NAALADL2: variants seen among roughly 807,000 people sequenced by gnomAD.
The protein encoded by NAALADL2 is N-acetylated alpha-linked acidic dipeptidase like 2.
NAALADL2 carries 76 observed loss-of-function variants against 87.2 expected under a neutral mutation model. The ratio of observed to expected loss-of-function variants is 0.87; its 90% confidence interval spans 0.72 to 1.05. The LOEUF (loss-of-function observed/expected upper bound fraction) is 1.05, where lower values mean the gene tolerates loss of function less well. Ranked by LOEUF, NAALADL2 falls within the 50% of genes least tolerant of loss-of-function variation. The pLI, the probability that NAALADL2 is intolerant of heterozygous loss-of-function variation, is 0.00. For synonymous variants in NAALADL2, 354 were observed against 331.0 expected (o/e 1.07, Z -0.75); for missense variants, 1,089 against 945.8 (o/e 1.15, Z -1.99).
chr3:175,282,833 T>A (rs1435762176), intron 4 of NAALADL2, among the ~76,000 whole-genome samples: 1 of 152,004 alleles, frequency 6.6e-6, no homozygotes, highest in Non-Finnish European at 1.5e-5. Context: ...AACTTTTAAT[T>A]TTTATTTTAT....
At chr3:175,028,558 A>G (rs1752461335) in intron 1 of NAALADL2, among the ~76,000 whole-genome samples, 1 of 152,088 alleles carries the variant, frequency 6.6e-6, no homozygotes, top group Admixed American at 6.6e-5. Context: ...AGTGAATATT[A>G]TTTAAGACTT....
At chr3:174,658,502 A>C (rs917331994) in intron 2 of NAALADL2, among the ~76,000 whole-genome samples, 1 of 151,792 alleles carries the variant, frequency 6.6e-6, no homozygotes, top group African/African-American at 2.4e-5. Context: ...TTTTTTGTAT[A>C]TTTTGTGTAA....
chr3:174,853,395 A>C (rs1041614665), intron 3 of NAALADL2, among the ~76,000 whole-genome samples: 1 of 150,318 alleles, frequency 6.7e-6, no homozygotes, highest in Admixed American at 6.6e-5. Context: ...AAAAAAAAAA[A>C]ATAGATTTAC....
intron 11 of NAALADL2, among the ~76,000 whole-genome samples, chr3:175,667,219 G>GA (rs1287931298): frequency 8.0e-6 from 1 of 124,940 alleles, no homozygotes; most frequent in Non-Finnish European, 1.6e-5. Context: ...AAGAAAGAAA[G>GA]AAAGAAAGAA....
At chr3:175,702,673 A>G (rs1453625463) in intron 11 of NAALADL2, among the ~76,000 whole-genome samples, 2 of 152,184 alleles carry the variant, frequency 1.3e-5, no homozygotes, top group Admixed American at 1.3e-4. Context: ...AAATGTCCCT[A>G]ACTTTAGAAT....
At chr3:175,695,337 C>T (rs1737620407) in intron 11 of NAALADL2, among the ~76,000 whole-genome samples, 1 of 152,074 alleles carries the variant, frequency 6.6e-6, no homozygotes, top group South Asian at 2.1e-4. Context: ...TTTAAAAGGA[C>T]ACTTGTTGGA....
chr3:175,646,504 C>T (rs1319584073), intron 11 of NAALADL2, among the ~76,000 whole-genome samples: 2 of 151,866 alleles, frequency 1.3e-5, no homozygotes, highest in East Asian at 3.9e-4. Context: ...TCATTTTTTT[C>T]TTTTTTATGA....
intron 2 of NAALADL2, among the ~76,000 whole-genome samples, chr3:174,653,018 C>T (rs1724532907): frequency 6.6e-6 from 1 of 152,124 alleles, no homozygotes; most frequent in Admixed American, 6.5e-5. Context: ...TGCCACACTA[C>T]ACACTAACTG....
At chr3:175,168,468 G>T (rs1295724191) in intron 2 of NAALADL2, among the ~76,000 whole-genome samples, 1 of 151,712 alleles carries the variant, frequency 6.6e-6, no homozygotes, top group Non-Finnish European at 1.5e-5. Context: ...GGACACTAAG[G>T]TATAATATAG....
chr3:175,250,586 G>A (rs942487816), intron 3 of NAALADL2, among the ~76,000 whole-genome samples: 5 of 152,116 alleles, frequency 3.3e-5, no homozygotes, highest in Non-Finnish European at 7.4e-5. Flanking sequence ...CCTCAACAGT[G>A]TCTTTCTCTA....
chr3:174,479,760 C>T (rs935048100), intron 1 of NAALADL2, among the ~76,000 whole-genome samples: 2 of 138,604 alleles, frequency 1.4e-5, no homozygotes, highest in East Asian at 2.4e-4. Flanking sequence ...ATGTGTTTAC[C>T]TTTGTGTTAT....
chr3:175,386,172 T>A (rs1768354433), intron 5 of NAALADL2, among the ~76,000 whole-genome samples: 1 of 152,018 alleles, frequency 6.6e-6, no homozygotes, highest in African/African-American at 2.4e-5. Context: ...GTTGGTTTGA[T>A]AGAATCATAC....
At chr3:175,202,985 CA>C (rs1740282444) in intron 2 of NAALADL2, among the ~76,000 whole-genome samples, 1 of 151,990 alleles carries the variant, frequency 6.6e-6, no homozygotes, top group Admixed American at 6.6e-5. Context: ...CAAACCCCTC[CA>C]AAACAGCCCC....
chr3:175,264,498 A>C (rs1374021804), intron 4 of NAALADL2, among the ~76,000 whole-genome samples: 1 of 151,810 alleles, frequency 6.6e-6, no homozygotes, highest in Non-Finnish European at 1.5e-5. Context: ...TTACAGACAA[A>C]GTATTAGTCT....
At chr3:174,601,329 G>A (rs1341592239) in intron 2 of NAALADL2, among the ~76,000 whole-genome samples, 1 of 152,074 alleles carries the variant, frequency 6.6e-6, no homozygotes, top group Non-Finnish European at 1.5e-5. Flanking sequence ...TTGGATAAAA[G>A]CCATTTTAAC....
chr3:175,787,750 T>A (rs894453486), intron 13 of NAALADL2, among the ~76,000 whole-genome samples: 6 of 152,122 alleles, frequency 3.9e-5, no homozygotes, highest in African/African-American at 1.2e-4. Context: ...AACATAACGC[T>A]TTTAGAACAA....
intron 9 of NAALADL2, among the ~76,000 whole-genome samples, chr3:175,520,089 A>T (rs1239468425): frequency 1.3e-5 from 2 of 152,160 alleles, no homozygotes; most frequent in Non-Finnish European, 2.9e-5. Context: ...GTAACAGCAC[A>T]TGTGGAAAGC....
intron 1 of NAALADL2, among the ~76,000 whole-genome samples, chr3:175,024,703 A>T (rs1044404735): frequency 6.7e-6 from 1 of 149,900 alleles, no homozygotes; most frequent in Non-Finnish European, 1.5e-5. Context: ...AGTGAAAAAG[A>T]GCAGTAATTA....
chr3:175,014,865 C>A (rs1750616574), intron 1 of NAALADL2, among the ~76,000 whole-genome samples: 1 of 152,062 alleles, frequency 6.6e-6, no homozygotes, highest in African/African-American at 2.4e-5. Context: ...ATCCTCCATT[C>A]CTTTTGTTTT....
Sources: allele counts gnomAD v4.1 joint callset (sites outside exome capture counted in the v4.1 genomes callset), GRCh38; gene constraint gnomAD v4.1.1; transcripts MANE v1.5; gene names NCBI Gene and HGNC (gene_info 2026-07-23, HGNC 2026-07-21).